BBS7: variants seen among roughly 807,000 people sequenced by gnomAD.
BBS7 encodes BBSome complex member BBS7.
In BBS7, 50 loss-of-function variants were observed where a neutral mutation model predicts 90.3. The ratio of observed to expected loss-of-function variants is 0.55; its 90% CI spans 0.44 to 0.70. BBS7 has a LOEUF of 0.70. Among genes scored for constraint, BBS7 ranks in the 30% least tolerant of loss-of-function variants. BBS7 has a pLI of 0.00. For synonymous variants in BBS7, 235 were observed against 287.4 expected, an observed-to-expected ratio of 0.82 and a Z score of 1.85; for missense variants, 729 against 838.9, an observed-to-expected ratio of 0.87 and a Z score of 1.62.
chr4:121,845,144 G>A (rs1725939116), intron 11 of BBS7, among the ~76,000 whole-genome samples: 1 of 152,074 alleles, frequency 6.6e-6, no homozygotes, highest in Non-Finnish European at 1.5e-5. Flanking sequence ...CGAGGCGGGT[G>A]GATCACCAGA....
intron 2 of BBS7, among the ~76,000 whole-genome samples, chr4:121,864,733 G>A (rs950128124): frequency 6.6e-6 from 1 of 152,002 alleles, no homozygotes; most frequent in African/African-American, 2.4e-5. Context: ...ATGACAATCA[G>A]AAATCTGTTG....
chr4:121,825,651 T>C lies in BBS7; in HGVS notation c.*209A>G. Reference sequence around the variant, plus strand: ...CCTATTTAAATCATTCTACTTGTGTTTTAAAAATAAAAAGACTCTTTTAGT... The same window carrying C: ...CCTATTTAAATCATTCTACTTGTGTCTTAAAAATAAAAAGACTCTTTTAGT... On this transcript the variant is annotated 3_prime_UTR_variant, in exon 19 of 19. Transcript: ENST00000264499. 1 of 463,468 alleles carries C rather than the reference T, an allele frequency of 2.2e-6. No homozygotes were observed. Among genetic ancestry groups the C allele is most frequent in the East Asian group, 3.7e-5 (1 of 26,728 alleles). The allele number at this position is 463,468 out of a possible 1,614,324, so 28.7% of individuals were successfully genotyped here. A position where few individuals can be genotyped will look rare whatever the true frequency, so the allele number is the denominator to read the frequency against.
At chr4:121,851,976 G>A (rs953631630) in intron 8 of BBS7, among the ~76,000 whole-genome samples, 3 of 152,204 alleles carry the variant, frequency 2.0e-5, no homozygotes, top group African/African-American at 7.2e-5. Context: ...GTCTGAATAG[G>A]AAAGTTTCTC....
At position 121,832,043 on chromosome 4, in the gene BBS7, C is replaced by CACACAA. The variant is rs138947255; in HGVS notation, c.1676+1187_1676+1188insTTGTGT. Reference sequence around the variant, plus strand: ...ACACACACACACACACACACACACACAAAACAAACAACCTACAGGCCAGGT... The same window carrying CACACAA: ...ACACACACACACACACACACACACACACACAAAAAACAAACAACCTACAGGCCAGGT... On this transcript the variant is annotated intron_variant, in intron 15 of 18. Transcript: ENST00000264499. Among the ~76,000 whole-genome samples the CACACAA allele has an allele frequency of 2.1e-4, 29 of 137,250 alleles. No homozygotes were observed. The South Asian group carries it at 4.9e-3, about 23-fold the overall frequency. The allele number at this position is 137,250 out of a possible 152,430, so 90.0% of individuals were successfully genotyped here.
chr4:121,870,244 C>T, intron 1 of BBS7, 34 bp downstream of exon 1: 2 of 1,613,536 alleles, frequency 1.2e-6, no homozygotes, highest in African/African-American at 2.7e-5. Context: ...CTGGGCTTGC[C>T]CAGCGCGGCG....
Position 121,854,711 on chromosome 4 carries a change from CT to C in BBS7, c.710del (p.Lys237ArgfsTer61). The C allele has an allele frequency of 6.2e-7, 1 of 1,611,684 alleles. No homozygotes were observed. Among genetic ancestry groups the C allele is most frequent in the South Asian group, 1.1e-5 (1 of 90,820 alleles). ...ACTACATGAAAAGCATACCTCCTCT[CT>C]TTTTCTCATTTTGAATTTCCCACTT... Reference protein sequence around the residue: ...VRKWEIQNEKKRGGILCIDSF... With the variant: ...VRKWEIQNEKXRGGILCIDSF... On this transcript the variant is annotated frameshift_variant, in exon 7 of 19. Transcript: ENST00000264499. LOFTEE classifies it high-confidence loss of function.
chr4:121,854,812 C>T lies in BBS7; in HGVS notation c.610G>A (p.Gly204Arg). Residue 204 changes from glycine to arginine, a missense_variant, in exon 7 of 19, where the codon GGA becomes AGA. Transcript: ENST00000264499. ...GATGTCCCAAACAAAAGGTCTTCTC[C>T]AGAGTCACCTACTTATAATTAAAGT... ...ALHNGNGGDS[G>R]EDLLFGTSDG... The T allele has an allele frequency of 6.2e-7, 1 of 1,611,508 alleles. No homozygotes were observed. The highest frequency in any genetic ancestry group is 8.5e-7 in the Non-Finnish European group (1 of 1,178,280).
chr4:121,845,643 T>G lies in BBS7; in HGVS notation c.1091A>C (p.Gln364Pro), dbSNP rs746699644. The G allele has an allele frequency of 3.1e-6, 5 of 1,613,260 alleles. No homozygotes were observed. In the East Asian group the frequency reaches 8.9e-5, roughly 29 times the overall value. Residue 364 changes from glutamine to proline, a missense_variant, in exon 11 of 19, where the codon CAA (glutamine) becomes CCA (proline). Gln to Pro is a moderately conservative substitution (Grantham distance 76, BLOSUM62 -1). Coordinates refer to ENST00000264499, the MANE Select transcript of BBS7 (RefSeq NM_176824.3). ...YKVLQERENYQQSSQSSKAKS... is the reference protein window; with the variant it reads ...YKVLQERENYPQSSQSSKAKS... Reference sequence around the variant, plus strand: ...TGCTTTGCTTGATTGAGAAGACTGTTGATAATTCTCTCTTTCCTGCAATAC... The same window carrying G: ...TGCTTTGCTTGATTGAGAAGACTGTGGATAATTCTCTCTTTCCTGCAATAC...
rs1460006156 is a variant in BBS7, at chr4:121,867,594, TAATC to T, written c.102+383_102+386del. On this transcript the variant is annotated intron_variant, in intron 2 of 18. Coordinates refer to ENST00000264499, the MANE Select transcript of BBS7 (RefSeq NM_176824.3). The stretch of plus-strand genomic sequence containing the variant: ...CATAGGATCAACATTTCTTTAAACA[TAATC>T]AATATTGTTAGTTAAGTACAGTTTA... Among the ~76,000 whole-genome samples, 15 of 152,338 alleles carry T rather than the reference TAATC, an allele frequency of 9.8e-5. No individual in the cohort carries two copies. In the East Asian group the frequency reaches 2.1e-3, roughly 22 times the overall value.
chr4:121,841,141 T>A (rs904390356), intron 12 of BBS7, among the ~76,000 whole-genome samples: 1 of 152,090 alleles, frequency 6.6e-6, no homozygotes, highest in Non-Finnish European at 1.5e-5. Context: ...TGCCAAGCCG[T>A]AAATGTGTTC....
intron 13 of BBS7, among the ~76,000 whole-genome samples, chr4:121,838,380 A>AG (rs369309579): frequency 5.1e-4 from 78 of 151,534 alleles, no homozygotes; most frequent in African/African-American, 1.7e-3. Flanking sequence ...AAAAAAAAAA[A>AG]CCTTTGAGTT....
At chr4:121,828,752 A>G in intron 15 of BBS7, 24 bp from the exon 16 acceptor site, 1 of 1,337,966 alleles carries the variant, frequency 7.5e-7, no homozygotes, top group Non-Finnish European at 1.0e-6. Flanking sequence ...ATATTTTTTA[A>G]AAGAATAGCT....
intron 8 of BBS7, among the ~76,000 whole-genome samples, chr4:121,851,647 C>T (rs1168801836): frequency 6.6e-6 from 1 of 152,152 alleles, no homozygotes; most frequent in African/African-American, 2.4e-5. Context: ...AGTTAAAATG[C>T]AATGTTTAAA....
rs1437278443 is a variant in BBS7 at position 121,853,019 on chromosome 4, A to T, written c.786T>A (p.Asp262Glu). Residue 262 changes from aspartate (D) to glutamate (E), a missense_variant, in exon 8 of 19, where the codon GAT (aspartate) becomes GAA (glutamate). Coordinates refer to ENST00000264499, the MANE Select transcript of BBS7 (RefSeq NM_176824.3). ...DGVKDLLVGR[D>E]DGMVEVYSFD... ...AACTATACACTTCCACCATTCCGTCATCTCTCCCAACAAGTAAATCTTTAA... is the reference window on the plus strand; with the variant it reads ...AACTATACACTTCCACCATTCCGTCTTCTCTCCCAACAAGTAAATCTTTAA... 6.2e-7 allele frequency: 1 copy of T among 1,613,744 alleles called. No homozygotes were observed. Among genetic ancestry groups the T allele is most frequent in the Non-Finnish European group, 8.5e-7 (1 of 1,179,810 alleles).
In BBS7 at chr4:121,828,131, G is replaced by C. The variant is rs1412830869; in HGVS notation, c.2014+15C>G. 1 of 1,613,342 alleles carries C rather than the reference G, an allele frequency of 6.2e-7. No homozygotes were observed. Among genetic ancestry groups the C allele is most frequent in the Non-Finnish European group, 8.5e-7 (1 of 1,179,758 alleles). ...AAAAGAAATATGGCAAGGTATTCTA[G>C]AATGGTCCACTAACCATAGAGTCTT... On this transcript the variant is annotated intron_variant, in intron 18 of 18. Transcript: ENST00000264499.
At position 121,843,973 on chromosome 4, in the gene BBS7, A is replaced by G; in HGVS notation, c.1259T>C (p.Val420Ala). Residue 420 changes from valine (V) to alanine (A), a missense_variant, in exon 12 of 19, where the codon GTG becomes GCG. By Grantham distance (64) the Val-to-Ala change is moderately conservative (BLOSUM62 0). Coordinates refer to ENST00000264499, the MANE Select transcript of BBS7 (RefSeq NM_176824.3). ...QSDVPIDLLDVDKNSAVVSFS... is the reference protein window; with the variant it reads ...QSDVPIDLLDADKNSAVVSFS... Reference sequence around the variant, plus strand: ...GCTAACAACAGCAGAATTTTTATCCACATCAAGTAAATCTATTGGAACATC... The same window carrying G: ...GCTAACAACAGCAGAATTTTTATCCGCATCAAGTAAATCTATTGGAACATC... 6.2e-6 allele frequency: 10 copies of G among 1,601,910 alleles called. No individual in the cohort carries two copies. The highest frequency in any genetic ancestry group is 7.7e-6 in the Non-Finnish European group (9 of 1,172,118).
intron 4 of BBS7, among the ~76,000 whole-genome samples, chr4:121,860,643 G>A (rs1029738948): frequency 2.0e-5 from 3 of 152,072 alleles, no homozygotes; most frequent in Non-Finnish European, 2.9e-5. Flanking sequence ...CTATATACAA[G>A]TGTATTTCAA....
In BBS7 at chr4:121,861,659, G is replaced by A. The variant is rs35194418; in HGVS notation, c.186C>T (p.Pro62=). 1,975 of 1,613,080 alleles carry A rather than the reference G, an allele frequency of 1.2e-3. 12 individuals carry two copies. In the African/African-American group the frequency reaches 0.019, roughly 16 times the overall value. ...GEAAAVFKTL[P]GPKIARLELG... ...GTTCCAGCCTTGCAATCTTCGGCCC[G>A]GGTAAAGTCTTGAACACTGCCTGAA... The change falls in exon 4 of 19, where the codon CCC becomes CCT. Residue 62 remains proline (P), a synonymous_variant. Transcript: ENST00000264499.
intron 10 of BBS7, 37 bp from the exon 11 acceptor site, chr4:121,845,733 T>G: frequency 6.4e-7 from 1 of 1,559,046 alleles, no homozygotes; most frequent in Non-Finnish European, 8.8e-7. Context: ...CAAATATAAG[T>G]ATAAACATTT....
Sources: allele counts gnomAD v4.1 joint callset (sites outside exome capture counted in the v4.1 genomes callset), GRCh38; gene constraint gnomAD v4.1.1; transcripts MANE v1.5; gene names NCBI Gene and HGNC (gene_info 2026-07-23, HGNC 2026-07-21).